Variants in CAMK2D observed in about 807,000 individuals in gnomAD.
CAMK2D encodes calcium/calmodulin-dependent protein kinase type II subunit delta.
In CAMK2D, 37 loss-of-function variants were observed where a neutral mutation model predicts 84.0. That is an observed-to-expected ratio of 0.44 (90% CI 0.34 to 0.58). The LOEUF is 0.58. Among genes scored for constraint, CAMK2D ranks in the 20% least tolerant of loss-of-function variants. CAMK2D has a pLI of 0.02. For synonymous variants in CAMK2D, 202 were observed against 212.5 expected (o/e 0.95, Z 0.43); for missense variants, 448 against 652.5 (o/e 0.69, Z 3.41).
rs758421392 is a variant in CAMK2D, at chr4:113,761,100, G to A, written c.-32C>T. On this transcript the variant is annotated 5_prime_UTR_variant, in exon 1 of 21. Transcript: ENST00000511664. ...TCCGGGCTGTGCCCTGGCTGGGAGC[G>A]CGACGGACCAGAAGCGAGCAGACGC... The A allele has an allele frequency of 3.1e-6, 5 of 1,613,350 alleles. No homozygotes were observed. In the African/African-American group the frequency reaches 5.3e-5, roughly 17 times the overall value.
chr4:113,547,836 C>A (rs1276956926), intron 5 of CAMK2D, 120 bp from the exon 6 acceptor site: 1 of 524,742 alleles, frequency 1.9e-6, no homozygotes, highest in Non-Finnish European at 3.3e-6. Flanking sequence ...TATTGTACCA[C>A]CTTCAGTCAT....
chr4:113,499,360 T>C (rs577205258), intron 16 of CAMK2D, among the ~76,000 whole-genome samples: 6 of 152,244 alleles, frequency 3.9e-5, no homozygotes, highest in Admixed American at 1.3e-4. Flanking sequence ...GTTATATAAA[T>C]AGAGAGTACA....
chr4:113,473,712 A>T (rs1416898716), intron 16 of CAMK2D, among the ~76,000 whole-genome samples: 1 of 152,238 alleles, frequency 6.6e-6, no homozygotes, highest in African/African-American at 2.4e-5. Context: ...ACAAAATGAT[A>T]GTTAACTGGG....
chr4:113,503,549 A>T (rs1481255562), intron 14 of CAMK2D, among the ~76,000 whole-genome samples: 2 of 152,204 alleles, frequency 1.3e-5, no homozygotes, highest in Admixed American at 1.3e-4. Context: ...TTTAAGGAAC[A>T]TTTAAAAAGT....
intron 2 of CAMK2D, among the ~76,000 whole-genome samples, chr4:113,688,488 G>A (rs1020783171): frequency 6.6e-6 from 1 of 151,968 alleles, no homozygotes; most frequent in Non-Finnish European, 1.5e-5. Context: ...CTTCATACAC[G>A]TTTCTAAAAT....
At chr4:113,484,055 A>C (rs1478379746) in intron 16 of CAMK2D, among the ~76,000 whole-genome samples, 3 of 152,122 alleles carry the variant, frequency 2.0e-5, no homozygotes, top group Non-Finnish European at 2.9e-5. Context: ...GGGCATTCTG[A>C]AACAAAGAAT....
At chr4:113,702,782 C>T (rs1052182646) in intron 2 of CAMK2D, among the ~76,000 whole-genome samples, 23 of 152,054 alleles carry the variant, frequency 1.5e-4, no homozygotes, top group Non-Finnish European at 3.1e-4. Flanking sequence ...GTGGTATGCA[C>T]CTGTAATCCC....
intron 4 of CAMK2D, among the ~76,000 whole-genome samples, chr4:113,573,147 G>A (rs1478064268): frequency 6.6e-6 from 1 of 152,136 alleles, no homozygotes; most frequent in Non-Finnish European, 1.5e-5. Flanking sequence ...CCAGTGACAC[G>A]TGTTTATCTA....
chr4:113,610,288 A>G (rs1333405322), intron 3 of CAMK2D, among the ~76,000 whole-genome samples: 3 of 152,100 alleles, frequency 2.0e-5, no homozygotes, highest in South Asian at 2.1e-4. Context: ...CTTCACTGGG[A>G]GCAAAAGAAG....
chr4:113,668,098 G>A (rs1370195377), intron 2 of CAMK2D, among the ~76,000 whole-genome samples: 1 of 151,962 alleles, frequency 6.6e-6, no homozygotes, highest in Non-Finnish European at 1.5e-5. Flanking sequence ...TGGCTTCCTT[G>A]TGGAGAAGCT....
intron 2 of CAMK2D, among the ~76,000 whole-genome samples, chr4:113,665,494 A>G (rs1462648250): frequency 4.6e-5 from 7 of 152,198 alleles, no homozygotes; most frequent in Admixed American, 4.6e-4. Flanking sequence ...TAATTCTGTC[A>G]GCAACAAAAA....
chr4:113,614,461 T>C (rs1192111683), intron 3 of CAMK2D, among the ~76,000 whole-genome samples: 2 of 152,148 alleles, frequency 1.3e-5, no homozygotes, highest in African/African-American at 4.8e-5. Context: ...AGCAAAACCT[T>C]AATATGTTTT....
intron 6 of CAMK2D, among the ~76,000 whole-genome samples, chr4:113,544,798 T>C (rs1312260694): frequency 1.3e-5 from 2 of 152,176 alleles, no homozygotes; most frequent in Non-Finnish European, 2.9e-5. Context: ...GGCCTGCCAC[T>C]GGACACACCT....
At chr4:113,467,999 G>A (rs372256652) in intron 16 of CAMK2D, among the ~76,000 whole-genome samples, 4 of 151,470 alleles carry the variant, frequency 2.6e-5, no homozygotes, top group East Asian at 3.9e-4. Flanking sequence ...CTACAGTTTA[G>A]AAAACATGGC....
At chr4:113,487,392 T>C (rs1162858954) in intron 16 of CAMK2D, among the ~76,000 whole-genome samples, 1 of 152,078 alleles carries the variant, frequency 6.6e-6, no homozygotes, top group East Asian at 1.9e-4. Context: ...TTTATTGGTA[T>C]AAAATAATAC....
At chr4:113,496,446 C>CT (rs543371495) in intron 16 of CAMK2D, among the ~76,000 whole-genome samples, 24,708 of 120,592 alleles carry the variant, frequency 0.2, 2,590 homozygotes, top group Middle Eastern at 0.25. Flanking sequence ...CTCCCATTTG[C>CT]TTTTTTTTTT....
chr4:113,661,828 A>G lies in CAMK2D; in HGVS notation c.161-56T>C, dbSNP rs2099233962. 4.9e-6 allele frequency: 4 copies of G among 817,356 alleles called. No individual in the cohort carries two copies. In the Admixed American group the frequency reaches 7.8e-5, roughly 16 times the overall value. 50.6% of individuals were successfully genotyped at this position (817,356 alleles called of 1,614,324 possible). On this transcript the variant is annotated intron_variant, in intron 2 of 20. Coordinates refer to ENST00000511664, the MANE Select transcript of CAMK2D (RefSeq NM_001321571.2). ...AATAAAGCAAAAAATAATAAAACACAATAAACAGCATAACAAAATGACAAA... is the reference window on the plus strand; with the variant it reads ...AATAAAGCAAAAAATAATAAAACACGATAAACAGCATAACAAAATGACAAA...
chr4:113,473,923 G>A (rs2097574969), intron 16 of CAMK2D, among the ~76,000 whole-genome samples: 1 of 152,080 alleles, frequency 6.6e-6, no homozygotes. Context: ...CCTTTGACCG[G>A]AAATGGAAAT....
intron 2 of CAMK2D, among the ~76,000 whole-genome samples, chr4:113,748,370 ATTGG>A (rs1326300799): frequency 1.3e-5 from 2 of 152,118 alleles, no homozygotes; most frequent in Non-Finnish European, 2.9e-5. Flanking sequence ...ATACTTTGTC[ATTGG>A]TGGAAACACA....
Sources: gnomAD v4.1 joint callset for allele counts (sites outside exome capture counted in the v4.1 genomes callset) on GRCh38, gnomAD v4.1.1 for gene constraint, MANE v1.5 for transcripts, NCBI Gene and HGNC (gene_info 2026-07-23, HGNC 2026-07-21) for gene names.